EDIL3: variants seen among roughly 807,000 people sequenced by gnomAD.
EDIL3 encodes EGF like and discoidin domains 3.
EDIL3 carries 37 observed loss-of-function variants against 67.4 expected under a neutral mutation model. The observed-to-expected ratio is 0.55, with a 90% CI of 0.42 to 0.72. The LOEUF (loss-of-function observed/expected upper bound fraction) is 0.72, where lower values mean the gene tolerates loss of function less well. EDIL3 is among the 30% of genes least tolerant of loss of function. EDIL3 has a pLI of 0.00. For synonymous variants in EDIL3, 195 were observed against 196.3 expected (o/e 0.99, Z 0.05); for missense variants, 527 against 586.3 (o/e 0.90, Z 1.04).
rs1374476663 is a variant in EDIL3 at position 84,384,794 on chromosome 5, G to A, written c.-420C>T. 6.6e-6 allele frequency: 1 copy of A among 152,608 alleles called. No homozygotes were observed. The highest frequency in any genetic ancestry group is 1.5e-5 in the Non-Finnish European group (1 of 68,484). The allele number at this position is 152,608 out of a possible 1,614,324, so 9.5% of individuals were successfully genotyped here. On this transcript the variant is annotated 5_prime_UTR_variant, in exon 1 of 11. Transcript: ENST00000296591. ...TCCGCGCGGCGGCTGCGGGGCTTCT[G>A]ACTTGGAGAACAATGAAGCGTGAGC...
chr5:84,014,975 A>G lies in EDIL3; in HGVS notation c.1137+45325T>C, dbSNP rs576975652. On this transcript the variant is annotated intron_variant, in intron 9 of 10. Coordinates refer to ENST00000296591, the MANE Select transcript of EDIL3 (RefSeq NM_005711.5). ...CAAAAGAAGGTTGGACAGAGTGCAC[A>G]GTGATCTCTCTACTATAGATCAATT... Among the ~76,000 whole-genome samples the G allele has an allele frequency of 2.6e-5, 4 of 152,316 alleles. No individual in the cohort carries two copies. The East Asian group carries it at 7.7e-4, about 29-fold the overall frequency.
intron 6 of EDIL3, among the ~76,000 whole-genome samples, chr5:84,104,572 T>A (rs746486947): frequency 2.0e-5 from 3 of 152,026 alleles, no homozygotes; most frequent in African/African-American, 4.8e-5. Flanking sequence ...AAACCTTTCA[T>A]GTTTACTTTA....
At chr5:84,342,074 G>A (rs951872930) in intron 1 of EDIL3, among the ~76,000 whole-genome samples, 1 of 151,924 alleles carries the variant, frequency 6.6e-6, no homozygotes. Flanking sequence ...TTTATCACAC[G>A]ATTCACAACA....
At chr5:83,996,927 C>T (rs181261652) in intron 9 of EDIL3, among the ~76,000 whole-genome samples, 3 of 152,148 alleles carry the variant, frequency 2.0e-5, no homozygotes, top group Admixed American at 6.5e-5. Context: ...TTCATACATA[C>T]ATTTAAGTTT....
intron 1 of EDIL3, among the ~76,000 whole-genome samples, chr5:84,335,535 G>C (rs1367380274): frequency 1.3e-5 from 2 of 152,162 alleles, no homozygotes; most frequent in Non-Finnish European, 2.9e-5. Context: ...CATTTGTGAA[G>C]CAACTACTTT....
At chr5:84,339,411 C>A (rs1284483337) in intron 1 of EDIL3, among the ~76,000 whole-genome samples, 2 of 152,068 alleles carry the variant, frequency 1.3e-5, no homozygotes, top group Non-Finnish European at 2.9e-5. Flanking sequence ...CTTTTATCTC[C>A]TTTAACCTCC....
At chr5:84,174,008 G>A (rs1254044840) in intron 4 of EDIL3, among the ~76,000 whole-genome samples, 2 of 152,152 alleles carry the variant, frequency 1.3e-5, no homozygotes, top group African/African-American at 4.8e-5. Flanking sequence ...GGGTGGTGGT[G>A]CACTGCTGGG....
chr5:84,332,367 G>A (rs1364950209), intron 1 of EDIL3, among the ~76,000 whole-genome samples: 3 of 152,104 alleles, frequency 2.0e-5, no homozygotes, highest in Non-Finnish European at 4.4e-5. Flanking sequence ...GTGAAAATCT[G>A]TCTCCAAAAA....
At chr5:84,365,966 A>T (rs575703653) in intron 1 of EDIL3, among the ~76,000 whole-genome samples, 1 of 152,262 alleles carries the variant, frequency 6.6e-6, no homozygotes, top group Non-Finnish European at 1.5e-5. Context: ...TATAACCTCT[A>T]AAAGGTATCA....
intron 9 of EDIL3, among the ~76,000 whole-genome samples, chr5:84,051,591 A>G (rs891739165): frequency 6.6e-6 from 1 of 152,220 alleles, no homozygotes; most frequent in Non-Finnish European, 1.5e-5. Context: ...TAACTAGAAT[A>G]ACCAATGCAA....
At chr5:84,189,989 T>A (rs1185538126) in intron 3 of EDIL3, among the ~76,000 whole-genome samples, 1 of 152,056 alleles carries the variant, frequency 6.6e-6, no homozygotes, top group Admixed American at 6.6e-5. Context: ...GAATACCATA[T>A]GAAATTAAGT....
intron 1 of EDIL3, among the ~76,000 whole-genome samples, chr5:84,324,924 G>T (rs988694983): frequency 1.6e-5 from 2 of 126,454 alleles, no homozygotes; most frequent in Non-Finnish European, 3.7e-5. Context: ...AAATTCTCCT[G>T]ATTAAAAAAA....
intron 8 of EDIL3, among the ~76,000 whole-genome samples, chr5:84,063,517 C>G (rs1034428394): frequency 1.3e-5 from 2 of 152,116 alleles, no homozygotes; most frequent in African/African-American, 4.8e-5. Flanking sequence ...AAAATAGGCT[C>G]ACTTGACTGT....
At position 84,236,707 on chromosome 5, in the gene EDIL3, G is replaced by A. The variant is rs566148619; in HGVS notation, c.197-6823C>T. Among the ~76,000 whole-genome samples the A allele has an allele frequency of 3.9e-5, 6 of 151,994 alleles. No individual in the cohort carries two copies. In the South Asian group the frequency reaches 8.3e-4, roughly 21 times the overall value. ...GCACAGTGTATATAATTGGTTCTGA[G>A]TAAATATTTTTGGAAAGTTGTCCAA... On this transcript the variant is annotated intron_variant, in intron 2 of 10. Coordinates refer to ENST00000296591, the MANE Select transcript of EDIL3 (RefSeq NM_005711.5).
At chr5:84,124,014 A>G (rs1043664976) in intron 5 of EDIL3, among the ~76,000 whole-genome samples, 2 of 151,944 alleles carry the variant, frequency 1.3e-5, no homozygotes, top group Admixed American at 6.6e-5. Context: ...TTTTACACCA[A>G]TCAAAATAGA....
chr5:84,123,972 T>C (rs1390481954), intron 5 of EDIL3, among the ~76,000 whole-genome samples: 2 of 151,968 alleles, frequency 1.3e-5, no homozygotes. Flanking sequence ...GCCTGTTCAT[T>C]ATGTTTAAAC....
At position 84,137,973 on chromosome 5, in the gene EDIL3, T is replaced by C. The variant is rs1580344812; in HGVS notation, c.356-619A>G. Among the ~76,000 whole-genome samples the C allele has an allele frequency of 2.6e-5, 4 of 152,336 alleles. No individual in the cohort carries two copies. The South Asian group carries it at 6.2e-4, about 24-fold the overall frequency. ...GGGACTTACCTTTGATATACTACTA[T>C]TACATCTGATGCAAAATCACATGAA... On this transcript the variant is annotated intron_variant, in intron 4 of 10. Transcript: ENST00000296591.
intron 1 of EDIL3, among the ~76,000 whole-genome samples, chr5:84,330,920 GTGCCCAAGGCCGTGAGACCT>G (rs1580082103): frequency 2.0e-5 from 3 of 152,168 alleles, no homozygotes; most frequent in African/African-American, 7.2e-5. Flanking sequence ...TCTGTACTGA[GTGCCCAAGGCCGTGAGACCT>G]TACCTCTTGC....
intron 2 of EDIL3, among the ~76,000 whole-genome samples, chr5:84,243,606 T>G (rs537481101): frequency 6.6e-6 from 1 of 152,224 alleles, no homozygotes; most frequent in Non-Finnish European, 1.5e-5. Flanking sequence ...TGGGGTTATA[T>G]GAACACATTG....
Sources: gnomAD v4.1 joint callset for allele counts (sites outside exome capture counted in the v4.1 genomes callset) on GRCh38, gnomAD v4.1.1 for gene constraint, MANE v1.5 for transcripts, NCBI Gene and HGNC (gene_info 2026-07-23, HGNC 2026-07-21) for gene names.